TMEM223: variants seen among roughly 807,000 people sequenced by gnomAD.
The protein encoded by TMEM223 is transmembrane protein 223.
Under a neutral mutation model 14.1 loss-of-function variants are expected in TMEM223, and 14 were observed. That is an observed-to-expected ratio of 0.99 (90% CI 0.66 to 1.55). The LOEUF is 1.55. Ranked by LOEUF, TMEM223 falls within the 40% of genes most tolerant of loss-of-function variation. TMEM223 has a pLI of 0.00. For synonymous variants in TMEM223, 145 were observed against 120.5 expected (o/e 1.20, Z -1.33); for missense variants, 346 against 269.9 (o/e 1.28, Z -1.97).
At chr11:62,786,329 T>G (rs1346339751), downstream of TMEM223, 4 of 1,614,196 alleles carry the variant, frequency 2.5e-6, no homozygotes, top group Non-Finnish European at 3.4e-6. Context: ...GCTGGATGAT[T>G]ATTCAGTATC....
At chr11:62,787,253 G>C (rs773379490), downstream of TMEM223, 1 of 1,566,046 alleles carries the variant, frequency 6.4e-7, no homozygotes, top group Admixed American at 1.8e-5. Flanking sequence ...CGCCCCGCCC[G>C]CCGGTGGGCG....
At chr11:62,788,809 C>T (rs756485951), downstream of TMEM223, among the ~76,000 whole-genome samples, 5 of 152,106 alleles carry the variant, frequency 3.3e-5, no homozygotes, top group Admixed American at 2.0e-4. Context: ...ATTCTATATT[C>T]ATTGCCTATT....
intron 1 of TMEM223, chr11:62,776,272 C>T (rs1025726779): frequency 3.7e-6 from 4 of 1,072,466 alleles, no homozygotes; most frequent in South Asian, 1.3e-5. Context: ...CTTCTGATCC[C>T]TAAGCGTGGT....
At chr11:62,787,440 G>A (rs758543702), downstream of TMEM223, 17 of 1,568,440 alleles carry the variant, frequency 1.1e-5, no homozygotes, top group Non-Finnish European at 1.4e-5. Flanking sequence ...CCATGGCGCT[G>A]TCCTGGCTGC....
At chr11:62,781,993 A>G (rs377230261) in intron 1 of TMEM223, 24 of 1,612,686 alleles carry the variant, frequency 1.5e-5, no homozygotes, top group Non-Finnish European at 1.9e-5. Flanking sequence ...TGGGACAGGG[A>G]GAATGTTTTA....
Position 62,790,768 on chromosome 11 carries a change from G to A in TMEM223, c.464C>T (p.Ser155Phe). The change falls in exon 2 of 2, where the codon TCT (serine) becomes TTT (phenylalanine). Residue 155 changes from serine (S) to phenylalanine (F), a missense_variant. By Grantham distance (155) the Ser-to-Phe change is radical (BLOSUM62 -2). Transcript: ENST00000307366. ...GACTTCACCCCGGTGGGCCATGCAA[G>A]ATACCTGCTTCAAAGGAACTGTGAA... ...AHFTVPLKQV[S>F]CMAHRGEVPA... The A allele has an allele frequency of 6.2e-7, 1 of 1,609,824 alleles. No homozygotes were observed. Among genetic ancestry groups the A allele is most frequent in the African/African-American group, 1.3e-5 (1 of 74,988 alleles).
downstream of TMEM223, chr11:62,787,638 G>C (rs572874869): frequency 8.2e-6 from 11 of 1,336,542 alleles, no homozygotes; most frequent in Non-Finnish European, 1.1e-5. Flanking sequence ...CGGTGGACCT[G>C]GTGAGGCACG....
downstream of TMEM223, chr11:62,789,422 A>G (rs758464301): frequency 6.2e-6 from 10 of 1,613,452 alleles, no homozygotes; most frequent in African/African-American, 8.0e-5. Flanking sequence ...GAACACTACA[A>G]TTAGGTAATG....
At chr11:62,789,582 T>C, downstream of TMEM223, 1 of 1,549,696 alleles carries the variant, frequency 6.5e-7, no homozygotes, top group African/African-American at 1.4e-5. Context: ...TTCTCACAAC[T>C]GTCTCTTTGA....
intron 1 of TMEM223, chr11:62,775,990 C>A (rs1481690163): frequency 6.5e-7 from 1 of 1,542,026 alleles, no homozygotes; most frequent in East Asian, 2.3e-5. Context: ...TTTTACTAAC[C>A]TCCACCCTCG....
At chr11:62,773,988 C>A (rs1316709971) in intron 2 of TMEM223, among the ~76,000 whole-genome samples, 2 of 152,022 alleles carry the variant, frequency 1.3e-5, no homozygotes, top group Non-Finnish European at 2.9e-5. Context: ...GAATACAGAA[C>A]ACAAGAAAGT....
intron 1 of TMEM223, among the ~76,000 whole-genome samples, chr11:62,781,080 AC>A (rs760515815): frequency 8.6e-4 from 131 of 151,660 alleles, no homozygotes; most frequent in Non-Finnish European, 1.6e-3. Context: ...TACTAAAAAT[AC>A]AAAAATTAGC....
At chr11:62,788,676 C>CAAA (rs5792270), downstream of TMEM223, among the ~76,000 whole-genome samples, 3 of 122,376 alleles carry the variant, frequency 2.5e-5, no homozygotes, top group Non-Finnish European at 3.3e-5. Flanking sequence ...TGCACTCCAG[C>CAAA]AAAAAAAAAA....
In TMEM223 at chr11:62,790,052, T is replaced by G; in HGVS notation, c.*571A>C. The stretch of plus-strand genomic sequence containing the variant: ...TCACGCCTTTCCCATTCCTGAAGAA[T>G]AAGCGGAGTGCTTCCTGCAGCCGAA... On this transcript the variant is annotated 3_prime_UTR_variant, in exon 2 of 2. Coordinates refer to ENST00000307366, the MANE Select transcript of TMEM223 (RefSeq NM_001080501.3). 7 of 1,604,252 alleles carry G rather than the reference T, an allele frequency of 4.4e-6. No individual in the cohort carries two copies. The highest frequency in any genetic ancestry group is 6.0e-6 in the Non-Finnish European group (7 of 1,174,674).
At chr11:62,789,961 AC>A (rs756730869), downstream of TMEM223, 27 of 1,613,732 alleles carry the variant, frequency 1.7e-5, 1 homozygote, top group South Asian at 2.9e-4. Context: ...GTCTGAAGCC[AC>A]CCCATACCGG....
downstream of TMEM223, chr11:62,789,335 G>C: frequency 6.2e-7 from 1 of 1,614,020 alleles, no homozygotes; most frequent in South Asian, 1.1e-5. Flanking sequence ...CTCAGCTATA[G>C]CCGTCTTCCT....
chr11:62,771,462 A>G, downstream of TMEM223: 1 of 157,348 alleles, frequency 6.4e-6, no homozygotes, highest in Non-Finnish European at 1.4e-5. Flanking sequence ...TCGTCTCGGT[A>G]GCAGCCTTCG....
At chr11:62,772,446 C>T (rs549963441) in intron 2 of TMEM223, among the ~76,000 whole-genome samples, 1 of 150,796 alleles carries the variant, frequency 6.6e-6, no homozygotes, top group Admixed American at 6.6e-5. Context: ...TTGCTTGAAC[C>T]AGGGAGGCAG....
chr11:62,785,100 A>AGTGCTGGGATTACAAGC (rs1565190138), downstream of TMEM223, among the ~76,000 whole-genome samples: 2 of 151,992 alleles, frequency 1.3e-5, no homozygotes, highest in African/African-American at 4.8e-5. Flanking sequence ...GCCTTCCCAA[A>AGTGCTGGGATTACAAGC]GTGCTGGGAT....
Sources: allele counts gnomAD v4.1 joint callset (sites outside exome capture counted in the v4.1 genomes callset), GRCh38; gene constraint gnomAD v4.1.1; transcripts MANE v1.5; gene names NCBI Gene and HGNC (gene_info 2026-07-23, HGNC 2026-07-21).